The following ATP11A variants were observed in gnomAD, a reference collection of about 807,000 sequenced individuals.
ATP11A encodes phospholipid-transporting ATPase IH.
Under a neutral mutation model 154.4 loss-of-function variants are expected in ATP11A, and 81 were observed. That is an observed-to-expected ratio of 0.52 (90% CI 0.44 to 0.63). The LOEUF (loss-of-function observed/expected upper bound fraction) is 0.63, where lower values mean the gene tolerates loss of function less well. Ranked by LOEUF, ATP11A falls within the 30% of genes least tolerant of loss-of-function variation. The probability of loss-of-function intolerance (pLI) is 0.00; values close to 1 mark genes in which losing one functional copy is unlikely to be tolerated. For missense variants in ATP11A, 1,316 were observed against 1,474.3 expected, an observed-to-expected ratio of 0.89 and a Z score of 1.76; for synonymous variants, 623 against 585.9, an observed-to-expected ratio of 1.06 and a Z score of -0.91.
chr13:112,831,594 G>A lies in ATP11A; in HGVS notation c.1395+46G>A, dbSNP rs770466483. Reference sequence around the variant, plus strand: ...CGTCCAAGTGTGTGAGTGAGTGGGCGGCTGTGCATGCTGAGTCCACCCCTT... The same window carrying A: ...CGTCCAAGTGTGTGAGTGAGTGGGCAGCTGTGCATGCTGAGTCCACCCCTT... On this transcript the variant is annotated intron_variant, in intron 13 of 29. Transcript: ENST00000375645. 1.6e-5 allele frequency: 26 copies of A among 1,593,670 alleles called. No homozygotes were observed. In the Middle Eastern group the frequency reaches 5.1e-4, roughly 31 times the overall value.
In ATP11A at chr13:112,742,007, T is replaced by C. The variant is rs557405737; in HGVS notation, c.40-43128T>C. 1.8e-3 allele frequency among the ~76,000 whole-genome samples: 267 copies of C among 148,456 alleles called. 3 individuals are homozygous for C. Among genetic ancestry groups the C allele is most frequent in the African/African-American group, 4.8e-3 (193 of 40,024 alleles). On this transcript the variant is annotated intron_variant, in intron 1 of 29. Transcript: ENST00000375645. ...CCCCACCACAGAAGAGTGGTCCCCC[T>C]CCCCACAGAAGAGTGCTCCCCTTCC...
chr13:112,698,539 T>C (rs1886144100), intron 1 of ATP11A, among the ~76,000 whole-genome samples: 1 of 152,154 alleles, frequency 6.6e-6, no homozygotes, highest in African/African-American at 2.4e-5. Flanking sequence ...CAGCCCGACC[T>C]GAGAGAGGGT....
intron 2 of ATP11A, among the ~76,000 whole-genome samples, chr13:112,793,291 G>T (rs113755868): frequency 8.6e-5 from 13 of 152,034 alleles, no homozygotes; most frequent in African/African-American, 2.4e-4. Context: ...AACCTCCACC[G>T]CCCGGGTTTA....
At chr13:112,787,289 T>C (rs547953902) in intron 2 of ATP11A, among the ~76,000 whole-genome samples, 2 of 128,130 alleles carry the variant, frequency 1.6e-5, no homozygotes, top group East Asian at 4.8e-4. Flanking sequence ...GATACCTACT[T>C]AATTCACACC....
chr13:112,745,385 G>C (rs1892017353), intron 1 of ATP11A: 4 of 152,204 alleles, frequency 2.6e-5, no homozygotes. Context: ...TTAGAATGTA[G>C]CTATTTAAAA....
chr13:112,797,714 T>G (rs1277330404), intron 2 of ATP11A, among the ~76,000 whole-genome samples: 1 of 152,222 alleles, frequency 6.6e-6, no homozygotes, highest in African/African-American at 2.4e-5. Context: ...AAAGACTTTT[T>G]CAGGCAAACA....
chr13:112,848,616 C>A (rs1016102877), intron 17 of ATP11A, among the ~76,000 whole-genome samples: 2 of 152,230 alleles, frequency 1.3e-5, no homozygotes, highest in East Asian at 1.9e-4. Context: ...AAGCAGGCAT[C>A]CCTGTCTTGT....
At chr13:112,820,081 A>G (rs913538572) in intron 8 of ATP11A, 131 bp downstream of exon 8, 9 of 868,528 alleles carry the variant, frequency 1.0e-5, no homozygotes, top group Non-Finnish European at 1.4e-5. Context: ...GCTTTCCCAC[A>G]GGGCCGGGCT....
intron 1 of ATP11A, among the ~76,000 whole-genome samples, chr13:112,702,973 C>G (rs187120188): frequency 6.6e-6 from 1 of 152,338 alleles, no homozygotes; most frequent in East Asian, 1.9e-4. Flanking sequence ...AAAACTGATA[C>G]ATTGTTTACG....
chr13:112,729,752 G>A (rs1890293872), intron 1 of ATP11A, among the ~76,000 whole-genome samples: 2 of 152,386 alleles, frequency 1.3e-5, no homozygotes, highest in African/African-American at 2.4e-5. Context: ...CCAGCAGGCC[G>A]CTGAATCTCA....
intron 2 of ATP11A, among the ~76,000 whole-genome samples, chr13:112,786,085 G>A (rs1385482817): frequency 1.3e-5 from 1 of 79,340 alleles, no homozygotes; most frequent in Non-Finnish European, 2.5e-5. Context: ...TATCCTCACC[G>A]TCCTTCAAAA....
In ATP11A at chr13:112,819,397, G is replaced by A. The variant is rs769742630; in HGVS notation, c.664G>A (p.Asp222Asn). Reference protein sequence around the residue: ...ATIECEQPQPDLYKFVGRINV... With the variant: ...ATIECEQPQPNLYKFVGRINV... ...CATCGAGTGTGAGCAGCCCCAGCCC[G>A]ACCTCTACAAGTAAGCGGGAGCTTT... The change falls in exon 7 of 30, where the codon GAC becomes AAC. Residue 222 changes from aspartate (D) to asparagine (N), a missense_variant. This residue lies in a region of ATP11A where 876 missense variants were observed against 1,006.8 expected (regional missense o/e 0.87). Transcript: ENST00000375645. 1.7e-5 allele frequency: 28 copies of A among 1,614,050 alleles called. No homozygotes were observed. Among genetic ancestry groups the A allele is most frequent in the Non-Finnish European group, 2.2e-5 (26 of 1,180,024 alleles).
intron 1 of ATP11A, among the ~76,000 whole-genome samples, chr13:112,759,339 G>T (rs981563752): frequency 2.0e-5 from 3 of 152,192 alleles, no homozygotes; most frequent in East Asian, 1.9e-4. Context: ...GAGCAGTCTT[G>T]TTCCAGCCAC....
chr13:112,872,050 G>A (rs1035269317), intron 26 of ATP11A, among the ~76,000 whole-genome samples: 5 of 152,148 alleles, frequency 3.3e-5, no homozygotes, highest in Admixed American at 3.3e-4. Context: ...AGGTAACCTC[G>A]GGAGCAAGCT....
At chr13:112,789,464 G>A (rs1455464803) in intron 2 of ATP11A, among the ~76,000 whole-genome samples, 3 of 144,502 alleles carry the variant, frequency 2.1e-5, no homozygotes, top group African/African-American at 2.6e-5. Context: ...AGACCCTTGC[G>A]GAGACCTACT....
Position 112,785,126 on chromosome 13 carries a change from T to C in ATP11A, c.40-9T>C. 6.8e-7 allele frequency: 1 copy of C among 1,480,248 alleles called. No homozygotes were observed. Among genetic ancestry groups the C allele is most frequent in the Non-Finnish European group, 9.0e-7 (1 of 1,113,398 alleles). 91.7% of individuals were successfully genotyped at this position (1,480,248 alleles called of 1,614,324 possible). Reference sequence around the variant, plus strand: ...AGGCAGCTGCCTAACACCGCTCTCCTTTCCGCAGTGTGCAGGAGAAGAGAA... The same window carrying C: ...AGGCAGCTGCCTAACACCGCTCTCCCTTCCGCAGTGTGCAGGAGAAGAGAA... On this transcript the variant is annotated splice_polypyrimidine_tract_variant and intron_variant, in intron 1 of 29. Coordinates refer to ENST00000375645, the MANE Select transcript of ATP11A (RefSeq NM_015205.3). The surrounding 1 kb of genome is among the most constrained non-coding windows in gnomAD (Gnocchi z 4.8).
chr13:112,826,632 C>T, intron 11 of ATP11A, 62 bp from the exon 12 acceptor site: 1 of 1,331,092 alleles, frequency 7.5e-7, no homozygotes, highest in Non-Finnish European at 1.1e-6. Flanking sequence ...GTTAGAGCAG[C>T]ATGTTGGAGG....
In ATP11A at chr13:112,881,946, C is replaced by T. The variant is rs142877948; in HGVS notation, c.*80C>T. ...TCCCACTCTCAGCAGGTGACACTCGCGGCCTGGAAGGAGAAGGTGTCCACG... is the reference window on the plus strand; with the variant it reads ...TCCCACTCTCAGCAGGTGACACTCGTGGCCTGGAAGGAGAAGGTGTCCACG... On this transcript the variant is annotated 3_prime_UTR_variant, in exon 30 of 30. Coordinates refer to ENST00000375645, the MANE Select transcript of ATP11A (RefSeq NM_015205.3). The T allele has an allele frequency of 2.4e-4, 324 of 1,367,750 alleles. 1 individual carries two copies. The African/African-American group carries it at 4.1e-3, about 17-fold the overall frequency. 84.7% of individuals were successfully genotyped at this position (1,367,750 alleles called of 1,614,324 possible).
At position 112,797,575 on chromosome 13, in the gene ATP11A, C is replaced by A. The variant is rs908494049; in HGVS notation, c.163-7382C>A. ...TGAGAAACAAGGGTAAGAATTATAT[C>A]AAACTTTCTTCCAGAAACCATCTAA... On this transcript the variant is annotated intron_variant, in intron 2 of 29. Coordinates refer to ENST00000375645, the MANE Select transcript of ATP11A (RefSeq NM_015205.3). Among the ~76,000 whole-genome samples the A allele has an allele frequency of 5.5e-4, 84 of 152,222 alleles. 1 individual carries two copies. Among genetic ancestry groups the A allele is most frequent in the South Asian group, 2.1e-4 (1 of 4,818 alleles).
Sources: allele counts gnomAD v4.1 joint callset (sites outside exome capture counted in the v4.1 genomes callset), GRCh38; gene constraint gnomAD v4.1.1; regional missense constraint gnomAD v4.1.1; non-coding constraint Gnocchi (gnomAD v3.1); transcripts MANE v1.5; gene names NCBI Gene and HGNC (gene_info 2026-07-23, HGNC 2026-07-21).